SLC25A26: variants seen among roughly 807,000 people sequenced by gnomAD.
The protein encoded by SLC25A26 is solute carrier family 25 member 26, also known as mitochondrial S-adenosylmethionine carrier protein.
A neutral mutation model predicts 37.8 loss-of-function variants in SLC25A26; 36 were observed. That is an observed-to-expected ratio of 0.95 (90% confidence interval 0.73 to 1.26). The LOEUF is 1.26. SLC25A26 is among the 50% of genes most tolerant of loss of function. SLC25A26 has a pLI of 0.00. For missense variants in SLC25A26, 390 were observed against 331.1 expected (o/e 1.18, Z -1.38); for synonymous variants, 129 against 122.5 (o/e 1.05, Z -0.35).
upstream of SLC25A26, among the ~76,000 whole-genome samples, chr3:66,216,101 G>A (rs1272674811): frequency 6.6e-6 from 1 of 152,138 alleles, no homozygotes. Context: ...CACAAGGGAG[G>A]AGCCATCATG....
intron 5 of SLC25A26, among the ~76,000 whole-genome samples, chr3:66,317,661 G>T (rs2075576195): frequency 6.6e-6 from 1 of 152,178 alleles, no homozygotes; most frequent in Non-Finnish European, 1.5e-5. Flanking sequence ...TGTGCTGTGG[G>T]GAATCCCCCT....
intron 5 of SLC25A26, among the ~76,000 whole-genome samples, chr3:66,321,751 C>A (rs999821187): frequency 2.8e-5 from 4 of 142,746 alleles, no homozygotes; most frequent in African/African-American, 1.0e-4. Flanking sequence ...TTTCTGCCTA[C>A]TTTTTTTTTT....
At chr3:66,199,481 C>A (rs1051525564) in intron 1 of SLC25A26, among the ~76,000 whole-genome samples, 1 of 152,038 alleles carries the variant, frequency 6.6e-6, no homozygotes, top group Non-Finnish European at 1.5e-5. Context: ...TCTTACTTGT[C>A]CCCATTGACC....
Position 66,211,282 on chromosome 3 carries a change from T to G in SLC25A26, c.-353-9460T>G, listed in dbSNP as rs983182879. Among the ~76,000 whole-genome samples, 33 of 152,152 alleles carry G rather than the reference T, an allele frequency of 2.2e-4. 1 individual carries two copies. The highest frequency in any genetic ancestry group is 2.2e-3 in the Admixed American group (33 of 15,272). On this transcript the variant is annotated intron_variant, in intron 1 of 10. Transcript: ENST00000676754. ...TCAGAAGAATAGAGGGGTTGTGCCC[T>G]TTGGAGTGGAGGCCTGCTGTTTGTT...
Position 66,377,692 on chromosome 3 carries a change from T to G in SLC25A26, c.710T>G (p.Leu237Ter), listed in dbSNP as rs2107890334. ...AAAAATCCTGTTTTTTCCCCTAGAT[T>G]ATTTGCAGGTGTCTTCCCTCGAATG... ...GVWRSQGLAG[L>*]FAGVFPRMAA... Residue 237 changes from leucine (L) to a stop codon, truncating the protein, a stop_gained and splice_region_variant, in exon 10 of 10, where the codon TTA (leucine) becomes TGA (stop). Coordinates refer to ENST00000354883, the MANE Select transcript of SLC25A26 (RefSeq NM_001379210.1). LOFTEE classifies it high-confidence loss of function. The G allele has an allele frequency of 6.2e-7, 1 of 1,612,344 alleles. No homozygotes were observed. Among genetic ancestry groups the G allele is most frequent in the South Asian group, 1.1e-5 (1 of 91,014 alleles).
chr3:66,157,422 T>A (rs1450325426), intron 1 of SLC25A26, among the ~76,000 whole-genome samples: 4 of 152,198 alleles, frequency 2.6e-5, no homozygotes, highest in African/African-American at 7.2e-5. Context: ...AGACTCCATC[T>A]CTATTAAAAA....
chr3:66,377,771 C>G lies in SLC25A26; in HGVS notation c.789C>G (p.His263Gln). 6.2e-7 allele frequency: 1 copy of G among 1,613,942 alleles called. No individual in the cohort carries two copies. The highest frequency in any genetic ancestry group is 1.1e-5 in the South Asian group (1 of 91,074). The change falls in exon 10 of 10, where the codon CAC becomes CAG. Residue 263 changes from histidine (H) to glutamine (Q), a missense_variant. Coordinates refer to ENST00000354883, the MANE Select transcript of SLC25A26 (RefSeq NM_001379210.1). ...TTCTGGGGGCTTATGACCGAACGCA[C>G]AGCTTGCTGTTGGAAGTTGGCAGAA... Reference protein sequence around the residue: ...FIFLGAYDRTHSLLLEVGRKS... With the variant: ...FIFLGAYDRTQSLLLEVGRKS...
rs1037208414 is a variant in SLC25A26 at position 66,207,744 on chromosome 3, A to G, written c.-353-12998A>G. 3.3e-5 allele frequency among the ~76,000 whole-genome samples: 5 copies of G among 152,360 alleles called. No individual in the cohort carries two copies. In the East Asian group the frequency reaches 9.6e-4, roughly 29 times the overall value. On this transcript the variant is annotated intron_variant, in intron 1 of 10. Transcript: ENST00000676754. Reference sequence around the variant, plus strand: ...CACACAGTATATATTTTAGAAATGTATTTCTCAACTTTAAATCTTTCTTGT... The same window carrying G: ...CACACAGTATATATTTTAGAAATGTGTTTCTCAACTTTAAATCTTTCTTGT...
intron 1 of SLC25A26, among the ~76,000 whole-genome samples, chr3:66,197,145 G>T (rs1041676678): frequency 5.6e-4 from 85 of 152,186 alleles, no homozygotes; most frequent in African/African-American, 1.9e-3. Flanking sequence ...GTGTAAGAAG[G>T]CTGAGCTGGT....
intron 5 of SLC25A26, among the ~76,000 whole-genome samples, chr3:66,307,264 A>G (rs564378332): frequency 6.6e-6 from 1 of 152,184 alleles, no homozygotes; most frequent in African/African-American, 2.4e-5. Flanking sequence ...AGTGATGATG[A>G]GCTTTTTTTC....
intron 7 of SLC25A26, among the ~76,000 whole-genome samples, chr3:66,365,144 C>G (rs2076797530): frequency 6.6e-6 from 1 of 152,172 alleles, no homozygotes; most frequent in African/African-American, 2.4e-5. Flanking sequence ...TGTGAAGTCC[C>G]TTTAAAATAC....
At position 66,238,919 on chromosome 3, in the gene SLC25A26, A is replaced by G. The variant is rs183647232; in HGVS notation, c.190+2219A>G. On this transcript the variant is annotated intron_variant, in intron 2 of 9. Coordinates refer to ENST00000354883, the MANE Select transcript of SLC25A26 (RefSeq NM_001379210.1). ...ACATAGTGTAACTTTATGGAAATTTATCATAGTTTCTGTCTCACCTTTTTG... is the reference window on the plus strand; with the variant it reads ...ACATAGTGTAACTTTATGGAAATTTGTCATAGTTTCTGTCTCACCTTTTTG... Among the ~76,000 whole-genome samples, 7 of 152,244 alleles carry G rather than the reference A, an allele frequency of 4.6e-5. No individual in the cohort carries two copies. The East Asian group carries it at 1.2e-3, about 25-fold the overall frequency.
intron 3 of SLC25A26, among the ~76,000 whole-genome samples, chr3:66,257,138 T>A (rs1347682739): frequency 6.6e-6 from 1 of 152,086 alleles, no homozygotes; most frequent in Non-Finnish European, 1.5e-5. Flanking sequence ...AAACGTCAGA[T>A]AAGAAAGCTT....
chr3:66,320,379 T>A (rs545330074), intron 5 of SLC25A26, among the ~76,000 whole-genome samples: 1 of 152,230 alleles, frequency 6.6e-6, no homozygotes, highest in Admixed American at 6.5e-5. Flanking sequence ...TGTGTTTGGC[T>A]TATTTCACTT....
rs62243213 is a variant in SLC25A26 at position 66,340,145 on chromosome 3, C to T, written c.454-6219C>T. Among the ~76,000 whole-genome samples the T allele has an allele frequency of 4.3e-3, 654 of 152,118 alleles. 2 individuals are homozygous for T. The highest frequency in any genetic ancestry group is 7.7e-3 in the Admixed American group (117 of 15,276). ...CTGTTGAATGGTCTGGCACCCTTTT[C>T]GAAGATTGTTTAACCATATATGTGA... On this transcript the variant is annotated intron_variant, in intron 5 of 9. Transcript: ENST00000354883.
chr3:66,371,442 T>C (rs2107847688), intron 9 of SLC25A26: 6 of 1,409,084 alleles, frequency 4.3e-6, no homozygotes, highest in Non-Finnish European at 5.6e-6. Context: ...AAGGTTTTTA[T>C]AGGAGAGCAG....
At position 66,226,140 on chromosome 3, in the gene SLC25A26, C is replaced by T. The variant is rs571773493; in HGVS notation, c.33+5013C>T. On this transcript the variant is annotated intron_variant, in intron 1 of 9. Transcript: ENST00000354883. ...CTCACACTGCTGATAAAGACATACC[C>T]AAGACTGGGTAATTTATAAAGGGAA... Among the ~76,000 whole-genome samples, 12 of 152,226 alleles carry T rather than the reference C, an allele frequency of 7.9e-5. No individual in the cohort carries two copies. The South Asian group carries it at 2.5e-3, about 32-fold the overall frequency.
chr3:66,205,938 GA>G (rs2106822126), intron 1 of SLC25A26, among the ~76,000 whole-genome samples: 1 of 152,070 alleles, frequency 6.6e-6, no homozygotes, highest in East Asian at 1.9e-4. Context: ...AAGTGAGGCA[GA>G]AAAAGGGAAA....
chr3:66,166,438 A>G (rs1178481240), intron 1 of SLC25A26, among the ~76,000 whole-genome samples: 1 of 152,228 alleles, frequency 6.6e-6, no homozygotes, highest in Non-Finnish European at 1.5e-5. Flanking sequence ...TCCCCTAAAT[A>G]AGACAGACTC....
Sources: allele counts gnomAD v4.1 joint callset (sites outside exome capture counted in the v4.1 genomes callset), GRCh38; gene constraint gnomAD v4.1.1; transcripts MANE v1.5; gene names NCBI Gene and HGNC (gene_info 2026-07-23, HGNC 2026-07-21).